CADM2: variants seen among roughly 807,000 people sequenced by gnomAD.
CADM2 encodes immunoglobulin superfamily member 4D.
In CADM2, 12 loss-of-function variants were observed where a neutral mutation model predicts 49.8. The observed-to-expected ratio is 0.24, with a 90% CI of 0.15 to 0.39. The LOEUF is 0.39. CADM2 is among the 10% of genes least tolerant of loss of function. The probability of loss-of-function intolerance (pLI) is 1.00; values close to 1 mark genes in which losing one functional copy is unlikely to be tolerated. For synonymous variants in CADM2, 214 were observed against 175.4 expected (o/e 1.22, Z -1.74); for missense variants, 378 against 492.3 (o/e 0.77, Z 2.20).
At chr3:85,054,558 G>A (rs1320424616) in intron 1 of CADM2, among the ~76,000 whole-genome samples, 1 of 151,754 alleles carries the variant, frequency 6.6e-6, no homozygotes, top group Non-Finnish European at 1.5e-5. Context: ...GATTAAAGAG[G>A]GAAAGCATGG....
At chr3:85,156,320 CTA>C (rs1441256952) in intron 1 of CADM2, among the ~76,000 whole-genome samples, 1 of 152,060 alleles carries the variant, frequency 6.6e-6, no homozygotes, top group African/African-American at 2.4e-5. Context: ...GAAATACAAA[CTA>C]CCATCAGAGA....
At chr3:85,495,614 T>C (rs953280490) in intron 1 of CADM2, among the ~76,000 whole-genome samples, 1 of 152,068 alleles carries the variant, frequency 6.6e-6, no homozygotes, top group African/African-American at 2.4e-5. Context: ...AATACATGAT[T>C]ATAGGCCAAG....
intron 1 of CADM2, among the ~76,000 whole-genome samples, chr3:85,624,273 T>A (rs2064058513): frequency 6.6e-6 from 1 of 152,204 alleles, no homozygotes; most frequent in African/African-American, 2.4e-5. Flanking sequence ...CCAGACTATT[T>A]GACAGTTGTT....
At chr3:85,239,749 A>G (rs1201905039) in intron 1 of CADM2, among the ~76,000 whole-genome samples, 1 of 151,318 alleles carries the variant, frequency 6.6e-6, no homozygotes, top group Non-Finnish European at 1.5e-5. Context: ...AGATACTGAA[A>G]ATATTTTAAA....
intron 3 of CADM2, among the ~76,000 whole-genome samples, chr3:85,874,856 T>C (rs1426641086): frequency 6.6e-6 from 1 of 152,172 alleles, no homozygotes; most frequent in Non-Finnish European, 1.5e-5. Flanking sequence ...AAAATGGGTA[T>C]TAGAATTTTG....
chr3:85,134,202 G>A (rs569491011), intron 1 of CADM2, among the ~76,000 whole-genome samples: 1 of 152,206 alleles, frequency 6.6e-6, no homozygotes, highest in Non-Finnish European at 1.5e-5. Flanking sequence ...CAGCTGGCCC[G>A]CAAGCGCCGC....
chr3:85,459,361 G>A (rs1301063849), intron 1 of CADM2, among the ~76,000 whole-genome samples: 1 of 152,148 alleles, frequency 6.6e-6, no homozygotes, highest in Non-Finnish European at 1.5e-5. Context: ...TTCCCCAGGT[G>A]TGGGTATTTA....
chr3:85,900,958 T>C (rs556179711), intron 5 of CADM2, among the ~76,000 whole-genome samples: 1 of 152,332 alleles, frequency 6.6e-6, no homozygotes, highest in East Asian at 1.9e-4. Context: ...TTTGAATGCA[T>C]AAGATATTTT....
At chr3:85,471,780 A>C (rs1369714297) in intron 1 of CADM2, among the ~76,000 whole-genome samples, 3 of 150,918 alleles carry the variant, frequency 2.0e-5, no homozygotes, top group Admixed American at 6.7e-5. Context: ...CAGAGACAAA[A>C]TATCACTGAC....
intron 1 of CADM2, among the ~76,000 whole-genome samples, chr3:85,500,122 A>C (rs542227061): frequency 6.6e-6 from 1 of 152,318 alleles, no homozygotes; most frequent in East Asian, 1.9e-4. Flanking sequence ...GTGTATTGCC[A>C]AAAGAAACTA....
chr3:85,803,527 A>AGATAGATG (rs1482317334), intron 3 of CADM2, among the ~76,000 whole-genome samples: 1 of 152,046 alleles, frequency 6.6e-6, no homozygotes, highest in Non-Finnish European at 1.5e-5. Flanking sequence ...ATAGATAGAT[A>AGATAGATG]GATAGATCAA....
intron 1 of CADM2, among the ~76,000 whole-genome samples, chr3:85,661,045 G>A (rs915045436): frequency 9.2e-5 from 14 of 152,084 alleles, no homozygotes; most frequent in African/African-American, 3.1e-4. Flanking sequence ...TTGGAGGAAG[G>A]CATTGAATTG....
intron 1 of CADM2, among the ~76,000 whole-genome samples, chr3:85,414,566 T>C (rs1004171523): frequency 1.3e-5 from 2 of 152,180 alleles, no homozygotes; most frequent in African/African-American, 4.8e-5. Context: ...ACATTTATTT[T>C]ATTTTTCTAT....
chr3:85,402,631 T>C (rs1213213360), intron 1 of CADM2, among the ~76,000 whole-genome samples: 2 of 152,162 alleles, frequency 1.3e-5, no homozygotes, highest in East Asian at 3.9e-4. Flanking sequence ...TGAGAAAGAA[T>C]GTCAGAACAA....
intron 8 of CADM2, among the ~76,000 whole-genome samples, chr3:86,026,167 A>G (rs1733879133): frequency 6.6e-6 from 1 of 152,124 alleles, no homozygotes; most frequent in South Asian, 2.1e-4. Flanking sequence ...AAGTTAGATA[A>G]TAGTTTCAAA....
At chr3:85,234,521 C>T (rs2107820663) in intron 1 of CADM2, among the ~76,000 whole-genome samples, 1 of 152,178 alleles carries the variant, frequency 6.6e-6, no homozygotes, top group Non-Finnish European at 1.5e-5. Context: ...AACCATGAAA[C>T]TGTAAAATAT....
chr3:85,127,534 GA>G, intron 1 of CADM2, among the ~76,000 whole-genome samples: 1 of 152,300 alleles, frequency 6.6e-6, no homozygotes, highest in South Asian at 2.1e-4. Flanking sequence ...TTCTGGGTCA[GA>G]TTACTTTTTT....
chr3:85,723,936 T>A (rs952548560), intron 1 of CADM2, among the ~76,000 whole-genome samples: 1 of 152,036 alleles, frequency 6.6e-6, no homozygotes. Flanking sequence ...AATGAACAAG[T>A]CAATTTATTG....
chr3:85,833,941 G>T (rs770252896), intron 3 of CADM2, among the ~76,000 whole-genome samples: 1 of 151,538 alleles, frequency 6.6e-6, no homozygotes, highest in African/African-American at 2.4e-5. Flanking sequence ...TCTGTAGATG[G>T]CTTTGAGTAG....
Sources: allele counts gnomAD v4.1 joint callset (sites outside exome capture counted in the v4.1 genomes callset), GRCh38; gene constraint gnomAD v4.1.1; transcripts MANE v1.5; gene names NCBI Gene and HGNC (gene_info 2026-07-23, HGNC 2026-07-21).